Variants in TSHZ2 observed in about 807,000 individuals in gnomAD.
The protein encoded by TSHZ2 is teashirt homolog 2.
In TSHZ2, 21 loss-of-function variants were observed where a neutral mutation model predicts 74.4. The ratio of observed to expected loss-of-function variants is 0.28; its 90% CI spans 0.20 to 0.41. The LOEUF is 0.41. Ranked by LOEUF, TSHZ2 falls within the 10% of genes least tolerant of loss-of-function variation. TSHZ2 has a pLI of 1.00. For missense variants in TSHZ2, 1,244 were observed against 1,293.5 expected, an observed-to-expected ratio of 0.96 and a Z score of 0.59; for synonymous variants, 540 against 515.3, an observed-to-expected ratio of 1.05 and a Z score of -0.65.
chr20:53,087,307 G>A (rs192378141), intron 1 of TSHZ2, among the ~76,000 whole-genome samples: 9 of 152,288 alleles, frequency 5.9e-5, no homozygotes, highest in Admixed American at 1.3e-4. Flanking sequence ...TCACGTTTCC[G>A]TTACTGTAGA....
At chr20:53,281,108 A>G (rs1019915804) in intron 2 of TSHZ2, among the ~76,000 whole-genome samples, 1 of 152,244 alleles carries the variant, frequency 6.6e-6, no homozygotes, top group Admixed American at 6.5e-5. Flanking sequence ...TGTTGCTGTC[A>G]TGGAGCAAAC....
At chr20:53,339,439 G>A (rs1054705595) in intron 2 of TSHZ2, among the ~76,000 whole-genome samples, 1 of 152,164 alleles carries the variant, frequency 6.6e-6, no homozygotes, top group Admixed American at 6.5e-5. Flanking sequence ...ACCCTGAAAG[G>A]CCTCATCATG....
intron 1 of TSHZ2, among the ~76,000 whole-genome samples, chr20:53,223,439 T>C (rs1989610068): frequency 6.6e-6 from 1 of 152,160 alleles, no homozygotes; most frequent in Admixed American, 6.5e-5. Context: ...TCACCCAGGC[T>C]GGAATGCAGT....
chr20:53,256,676 T>C lies in TSHZ2; in HGVS notation c.*8+105T>C, dbSNP rs1400411594. Reference sequence around the variant, plus strand: ...TAGCATCTCCCAATGCCAAGCAGGATAGTAGCTTGCTGGAGTAGGATTTAT... The same window carrying C: ...TAGCATCTCCCAATGCCAAGCAGGACAGTAGCTTGCTGGAGTAGGATTTAT... On this transcript the variant is annotated intron_variant, in intron 2 of 2. Transcript: ENST00000371497. This position sits in a 1 kb window ranked among gnomAD's most constrained non-coding sequence, Gnocchi z 4.3. 6.9e-6 allele frequency: 10 copies of C among 1,446,374 alleles called. No homozygotes were observed. Among genetic ancestry groups the C allele is most frequent in the Non-Finnish European group, 9.1e-6 (10 of 1,097,362 alleles). The allele number at this position is 1,446,374 out of a possible 1,614,324, so 89.6% of individuals were successfully genotyped here.
intron 1 of TSHZ2, among the ~76,000 whole-genome samples, chr20:53,163,901 T>A (rs140708984): frequency 1.2e-3 from 185 of 152,348 alleles, no homozygotes; most frequent in African/African-American, 4.1e-3. Flanking sequence ...TACACAGCAA[T>A]TGATAACTAA....
intron 1 of TSHZ2, among the ~76,000 whole-genome samples, chr20:53,017,893 T>G (rs550497896): frequency 6.6e-6 from 1 of 152,286 alleles, no homozygotes; most frequent in African/African-American, 2.4e-5. Context: ...TATGTAACTT[T>G]CATGGGATTT....
At chr20:53,258,014 G>A (rs1368489429) in intron 2 of TSHZ2, among the ~76,000 whole-genome samples, 1 of 152,156 alleles carries the variant, frequency 6.6e-6, no homozygotes, top group Admixed American at 6.5e-5. Flanking sequence ...TGTGAAGATG[G>A]CCAAGATGAA....
rs888898770 is a variant in TSHZ2, at chr20:53,321,588, G to A, written c.*8+65017G>A. 2.7e-5 allele frequency among the ~76,000 whole-genome samples: 4 copies of A among 146,686 alleles called. No homozygotes were observed. In the Admixed American group the frequency reaches 2.8e-4, roughly 10 times the overall value. ...AATCCCAGCTACTTGGGAGGCTGAG[G>A]CAGGAGAATCACTTGAACCCGGGAG... is the stretch of plus-strand genomic sequence containing the variant. On this transcript the variant is annotated intron_variant, in intron 2 of 2. Coordinates refer to ENST00000371497, the MANE Select transcript of TSHZ2 (RefSeq NM_173485.6).
chr20:53,209,174 G>C (rs1251495531), intron 1 of TSHZ2, among the ~76,000 whole-genome samples: 1 of 151,960 alleles, frequency 6.6e-6, no homozygotes, highest in Non-Finnish European at 1.5e-5. Flanking sequence ...TGCAATCTCC[G>C]TCTCCAAGGT....
At chr20:53,389,396 A>C (rs1473557362) in intron 2 of TSHZ2, among the ~76,000 whole-genome samples, 1 of 152,234 alleles carries the variant, frequency 6.6e-6, no homozygotes, top group Non-Finnish European at 1.5e-5. Context: ...TGAAAGGGTG[A>C]TATATGTTCA....
intron 1 of TSHZ2, among the ~76,000 whole-genome samples, chr20:53,222,343 A>G (rs1232491306): frequency 6.6e-6 from 1 of 152,208 alleles, no homozygotes; most frequent in Non-Finnish European, 1.5e-5. Flanking sequence ...ACAGACACTC[A>G]GCTTTCAGTG....
chr20:53,009,001 CT>C (rs1242763036), intron 1 of TSHZ2, among the ~76,000 whole-genome samples: 2 of 118,936 alleles, frequency 1.7e-5, no homozygotes, highest in Non-Finnish European at 3.4e-5. Context: ...CTCTCTCTCT[CT>C]CTCTCTCTCT....
intron 2 of TSHZ2, among the ~76,000 whole-genome samples, chr20:53,269,005 G>A (rs904636143): frequency 3.3e-5 from 5 of 151,740 alleles, no homozygotes; most frequent in Admixed American, 3.3e-4. Flanking sequence ...ATGCCGTGAG[G>A]TCTTAAAAAT....
chr20:53,185,975 A>C (rs745868084), intron 1 of TSHZ2, among the ~76,000 whole-genome samples: 1 of 152,196 alleles, frequency 6.6e-6, no homozygotes, highest in East Asian at 1.9e-4. Flanking sequence ...TGGGACTGGC[A>C]CTTGGGTGGA....
intron 2 of TSHZ2, among the ~76,000 whole-genome samples, chr20:53,475,460 C>G (rs1431886477): frequency 6.2e-5 from 7 of 112,746 alleles, no homozygotes; most frequent in African/African-American, 2.7e-4. Flanking sequence ...TTGAAACCAA[C>G]GAGAACAAAG....
chr20:53,354,180 G>A (rs962246370), intron 2 of TSHZ2, among the ~76,000 whole-genome samples: 12 of 152,202 alleles, frequency 7.9e-5, no homozygotes, highest in African/African-American at 2.2e-4. Flanking sequence ...GTGTAACGAC[G>A]TAGAATTATG....
chr20:53,214,759 G>A (rs921080886), intron 1 of TSHZ2, among the ~76,000 whole-genome samples: 1 of 152,130 alleles, frequency 6.6e-6, no homozygotes, highest in African/African-American at 2.4e-5. Flanking sequence ...AGAAAGGAAT[G>A]AAGCAGAAGG....
chr20:52,998,388 C>T (rs1389253199), intron 1 of TSHZ2, among the ~76,000 whole-genome samples: 4 of 152,112 alleles, frequency 2.6e-5, no homozygotes, highest in African/African-American at 4.8e-5. Flanking sequence ...AGGCTGGTCT[C>T]GAATTCCTGA....
intron 1 of TSHZ2, among the ~76,000 whole-genome samples, chr20:53,130,801 C>T (rs57427672): frequency 0.095 from 14,476 of 152,174 alleles, 1,999 homozygotes; most frequent in African/African-American, 0.31. Context: ...TGAACAGAGA[C>T]AGTACTATTT....
Sources: gnomAD v4.1 joint callset for allele counts (sites outside exome capture counted in the v4.1 genomes callset) on GRCh38, gnomAD v4.1.1 for gene constraint, Gnocchi (gnomAD v3.1) non-coding constraint, MANE v1.5 for transcripts, NCBI Gene and HGNC (gene_info 2026-07-23, HGNC 2026-07-21) for gene names.